Variants in HYAL3 observed in about 807,000 individuals in gnomAD.
The protein encoded by HYAL3 is hyaluronidase 3.
A neutral mutation model predicts 29.6 loss-of-function variants in HYAL3; 25 were observed. The ratio of observed to expected loss-of-function variants is 0.85; its 90% CI spans 0.62 to 1.18. The LOEUF (loss-of-function observed/expected upper bound fraction) is 1.18, where lower values mean the gene tolerates loss of function less well. Ranked by LOEUF, HYAL3 falls within the 50% of genes most tolerant of loss-of-function variation. The probability of loss-of-function intolerance (pLI) is 0.00; values close to 1 mark genes in which losing one functional copy is unlikely to be tolerated. For synonymous variants in HYAL3, 215 were observed against 218.3 expected, an observed-to-expected ratio of 0.99 and a Z score of 0.13; for missense variants, 442 against 548.4, an observed-to-expected ratio of 0.81 and a Z score of 1.94.
In HYAL3 at chr3:50,295,034, G is replaced by A. The variant is rs1553710793; in HGVS notation, c.569C>T (p.Ala190Val). 1.2e-6 allele frequency: 2 copies of A among 1,613,420 alleles called. No individual in the cohort carries two copies. The highest frequency in any genetic ancestry group is 1.1e-5 in the South Asian group (1 of 91,080). ...LMEDTLRVAQ[A>V]LRPHGLWGFY... ...GCCCCAGAGTCCATGGGGCCGTAGT[G>A]CCTGGGCCACCCGCAGCGTATCCTC... Residue 190 changes from alanine (A) to valine (V), a missense_variant, in exon 2 of 4, where the codon GCA becomes GTA. By Grantham distance (64) the Ala-to-Val change is moderately conservative (BLOSUM62 0). Coordinates refer to ENST00000336307, the MANE Select transcript of HYAL3 (RefSeq NM_003549.4).
At chr3:50,296,172 G>T (rs180987348) in intron 1 of HYAL3, among the ~76,000 whole-genome samples, 1 of 152,172 alleles carries the variant, frequency 6.6e-6, no homozygotes, top group Non-Finnish European at 1.5e-5. Context: ...CCTATGTCCC[G>T]TCCAGGGCTT....
At chr3:50,298,031 G>C in intron 1 of HYAL3, 1 of 985,884 alleles carries the variant, frequency 1.0e-6, no homozygotes, top group Non-Finnish European at 1.2e-6. Flanking sequence ...TAAAACAGCC[G>C]ACCCAATCTA....
chr3:50,297,680 T>C lies in HYAL3; in HGVS notation c.-18+1533A>G, dbSNP rs2109293563. On this transcript the variant is annotated intron_variant, in intron 1 of 3. Coordinates refer to ENST00000336307, the MANE Select transcript of HYAL3 (RefSeq NM_003549.4). This position sits in a 1 kb window ranked among gnomAD's most constrained non-coding sequence, Gnocchi z 4.3. ...ACCACAGTGGCTCTCCTCCTGTAGA[T>C]AACAGCCATGCTGGGCTGTGCCAGG... 7.2e-7 allele frequency: 1 copy of C among 1,384,844 alleles called. No individual in the cohort carries two copies. Among genetic ancestry groups the C allele is most frequent in the South Asian group, 1.7e-5 (1 of 58,470 alleles). 85.8% of individuals were successfully genotyped at this position (1,384,844 alleles called of 1,614,324 possible).
chr3:50,297,803 T>A lies in HYAL3; in HGVS notation c.-18+1410A>T. The A allele has an allele frequency of 8.4e-7, 1 of 1,187,154 alleles. No individual in the cohort carries two copies. Among genetic ancestry groups the A allele is most frequent in the Non-Finnish European group, 1.0e-6 (1 of 957,858 alleles). The allele number at this position is 1,187,154 out of a possible 1,614,324, so 73.5% of individuals were successfully genotyped here. On this transcript the variant is annotated intron_variant, in intron 1 of 3. Transcript: ENST00000336307. The surrounding 1 kb of genome is among the most constrained non-coding windows in gnomAD (Gnocchi z 4.3). The stretch of plus-strand genomic sequence containing the variant: ...TGGTGGGCTGCACTTTGTCCCACAC[T>A]CACCTGATAGCACAGGTGACCTGGA...
chr3:50,296,970 C>G, intron 1 of HYAL3: 2 of 1,591,330 alleles, frequency 1.3e-6, no homozygotes, highest in South Asian at 1.1e-5. Context: ...GCCCCGGGCC[C>G]GAGCAAAGAC....
chr3:50,294,771 G>T lies in HYAL3; in HGVS notation c.832C>A (p.Pro278Thr). ...CGGACATAGGCCAGGACAGGCAGGG[G>T]ATGTCGGTGCCCAACAAGGGCCACA... is the stretch of plus-strand genomic sequence containing the variant. ...FRVALVGHRH[P>T]LPVLAYVRLT... Residue 278 changes from proline to threonine, a missense_variant, in exon 2 of 4, where the codon CCC (proline) becomes ACC (threonine). Pro to Thr is a conservative substitution (Grantham distance 38). Transcript: ENST00000336307. 6.6e-7 allele frequency: 1 copy of T among 1,514,614 alleles called. No individual in the cohort carries two copies. The highest frequency in any genetic ancestry group is 8.8e-7 in the Non-Finnish European group (1 of 1,130,272). 93.8% of individuals were successfully genotyped at this position (1,514,614 alleles called of 1,614,324 possible).
chr3:50,299,284 C>T lies in HYAL3; in HGVS notation c.-89G>A. 1 of 1,613,002 alleles carries T rather than the reference C, an allele frequency of 6.2e-7. No individual in the cohort carries two copies. The highest frequency in any genetic ancestry group is 1.7e-5 in the Admixed American group (1 of 59,968). Reference sequence around the variant, plus strand: ...GCTGGGTATCTCACTCAGTCGCCACCTCGGACTCCTCGGTCCGACAACGTT... The same window carrying T: ...GCTGGGTATCTCACTCAGTCGCCACTTCGGACTCCTCGGTCCGACAACGTT... On this transcript the variant is annotated 5_prime_UTR_variant, in exon 1 of 4. Transcript: ENST00000336307.
chr3:50,296,674 T>C (rs1290070162), intron 1 of HYAL3: 21 of 1,613,766 alleles, frequency 1.3e-5, no homozygotes, highest in Non-Finnish European at 1.8e-5. Context: ...AGCAGGCTTT[T>C]TGAAGGGGGC....
Position 50,297,681 on chromosome 3 carries a change from A to G in HYAL3, c.-18+1532T>C. ...CCACAGTGGCTCTCCTCCTGTAGATAACAGCCATGCTGGGCTGTGCCAGGA... is the reference window on the plus strand; with the variant it reads ...CCACAGTGGCTCTCCTCCTGTAGATGACAGCCATGCTGGGCTGTGCCAGGA... On this transcript the variant is annotated intron_variant, in intron 1 of 3. Coordinates refer to ENST00000336307, the MANE Select transcript of HYAL3 (RefSeq NM_003549.4). This position sits in a 1 kb window ranked among gnomAD's most constrained non-coding sequence, Gnocchi z 4.3. 7.2e-7 allele frequency: 1 copy of G among 1,386,560 alleles called. No individual in the cohort carries two copies. Among genetic ancestry groups the G allele is most frequent in the Non-Finnish European group, 9.3e-7 (1 of 1,075,024 alleles). 85.9% of individuals were successfully genotyped at this position (1,386,560 alleles called of 1,614,324 possible).
intron 1 of HYAL3, 197 bp from the exon 2 acceptor site, chr3:50,295,816 G>A (rs1461786016): frequency 1.0e-5 from 6 of 572,848 alleles, no homozygotes; most frequent in African/African-American, 3.7e-5. Context: ...CCCGGGCATC[G>A]AGTGGCAGGT....
Position 50,297,107 on chromosome 3 carries a change from A to T in HYAL3, c.-17-1488T>A, listed in dbSNP as rs781953481. The T allele has an allele frequency of 1.3e-6, 2 of 1,554,858 alleles. No individual in the cohort carries two copies. Among genetic ancestry groups the T allele is most frequent in the East Asian group, 4.5e-5 (2 of 44,288 alleles). On this transcript the variant is annotated intron_variant, in intron 1 of 3. Transcript: ENST00000336307. This position sits in a 1 kb window ranked among gnomAD's most constrained non-coding sequence, Gnocchi z 4.3. ...GTGACAGGCGGGCATGGCCCACCAC[A>T]ACGGGTGCTGCTTCAAGTGTGGGGT...
At chr3:50,298,316 A>T (rs1701949259) in intron 1 of HYAL3, among the ~76,000 whole-genome samples, 1 of 151,772 alleles carries the variant, frequency 6.6e-6, no homozygotes, top group African/African-American at 2.4e-5. Context: ...GCCTGTCTTG[A>T]CTGCCTTCCC....
intron 1 of HYAL3, chr3:50,296,501 C>A (rs1701843899): frequency 1.5e-6 from 2 of 1,379,210 alleles, no homozygotes; most frequent in South Asian, 1.4e-5. Flanking sequence ...TTAAAGCTGC[C>A]CCCCAGGGGC....
At chr3:50,296,261 G>C (rs782523858) in intron 1 of HYAL3, 14 of 331,938 alleles carry the variant, frequency 4.2e-5, no homozygotes, top group Non-Finnish European at 6.6e-5. Context: ...AGCCAGGTGG[G>C]GGGTAAAGGC....
intron 1 of HYAL3, chr3:50,298,898 G>C: frequency 7.4e-7 from 1 of 1,346,712 alleles, no homozygotes; most frequent in South Asian, 1.6e-5. Flanking sequence ...CTAGGGCTGA[G>C]CCCGGGGCTT....
chr3:50,295,753 C>A, intron 1 of HYAL3, 134 bp from the exon 2 acceptor site: 1 of 699,954 alleles, frequency 1.4e-6, no homozygotes, highest in Non-Finnish European at 2.2e-6. Context: ...CATGTTTCCC[C>A]AGGGGTCTCT....
rs782437665 is a variant in HYAL3, at chr3:50,293,202, A to C, written c.*44T>G. 4 of 1,612,330 alleles carry C rather than the reference A, an allele frequency of 2.5e-6. No homozygotes were observed. In the East Asian group the frequency reaches 6.7e-5, roughly 27 times the overall value. On this transcript the variant is annotated 3_prime_UTR_variant, in exon 4 of 4. Transcript: ENST00000336307. ...GACAGAGTAGTTCCAGGACTGGAAA[A>C]GTGGCAGCAGGGAAAAGAAGAGGCA...
At position 50,297,819 on chromosome 3, in the gene HYAL3, G is replaced by C; in HGVS notation, c.-18+1394C>G. On this transcript the variant is annotated intron_variant, in intron 1 of 3. Transcript: ENST00000336307. This position sits in a 1 kb window ranked among gnomAD's most constrained non-coding sequence, Gnocchi z 4.3. The stretch of plus-strand genomic sequence containing the variant: ...GTCCCACACTCACCTGATAGCACAG[G>C]TGACCTGGAAGAGACCCATCCCCTA... The C allele has an allele frequency of 8.8e-7, 1 of 1,142,024 alleles. No individual in the cohort carries two copies. 70.7% of individuals were successfully genotyped at this position (1,142,024 alleles called of 1,614,324 possible). A position where few individuals can be genotyped will look rare whatever the true frequency, so the allele number is the denominator to read the frequency against.
intron 2 of HYAL3, among the ~76,000 whole-genome samples, chr3:50,294,071 G>A (rs1206534954): frequency 3.9e-5 from 6 of 152,216 alleles, no homozygotes; most frequent in Non-Finnish European, 7.3e-5. Context: ...AGGCAAAAGC[G>A]GGAGAATCAC....
Sources: gnomAD v4.1 joint callset for allele counts (sites outside exome capture counted in the v4.1 genomes callset) on GRCh38, gnomAD v4.1.1 for gene constraint, Gnocchi (gnomAD v3.1) non-coding constraint, MANE v1.5 for transcripts, NCBI Gene and HGNC (gene_info 2026-07-23, HGNC 2026-07-21) for gene names.